Variants in FDPS observed in about 807,000 individuals in gnomAD.
The protein encoded by FDPS is farnesyl diphosphate synthase.
In FDPS, 29 loss-of-function variants were observed where a neutral mutation model predicts 49.5. The ratio of observed to expected loss-of-function variants is 0.59; its 90% CI spans 0.44 to 0.80. FDPS has a LOEUF of 0.80. FDPS is among the 30% of genes least tolerant of loss of function. The pLI, the probability that FDPS is intolerant of heterozygous loss-of-function variation, is 0.00. For missense variants in FDPS, 414 were observed against 525.6 expected, an observed-to-expected ratio of 0.79 and a Z score of 2.08; for synonymous variants, 172 against 206.4, an observed-to-expected ratio of 0.83 and a Z score of 1.43.
At chr1:155,316,302 A>C (rs1041391997) in intron 4 of FDPS, among the ~76,000 whole-genome samples, 14 of 152,222 alleles carry the variant, frequency 9.2e-5, no homozygotes, top group Non-Finnish European at 1.8e-4. Context: ...AAACAAAAAA[A>C]GGAAATAAGT....
chr1:155,312,104 A>G, intron 3 of FDPS, 151 bp from the exon 4 acceptor site: 1 of 838,548 alleles, frequency 1.2e-6, no homozygotes, highest in Non-Finnish European at 1.9e-6. Context: ...AGGAGTAAAG[A>G]CAGTAGCAAT....
chr1:155,318,980 A>G lies in FDPS; in HGVS notation c.846+52A>G. ...GCTCTGCTGATGGGGGCTTTTGGAC[A>G]GCAAGGCATAGAGCAGAAAACGTGA... On this transcript the variant is annotated intron_variant, in intron 8 of 10. Transcript: ENST00000368356. The surrounding 1 kb of genome is among the most constrained non-coding windows in gnomAD (Gnocchi z 4.2). 7.4e-7 allele frequency: 1 copy of G among 1,349,256 alleles called. No homozygotes were observed. Among genetic ancestry groups the G allele is most frequent in the South Asian group, 1.2e-5 (1 of 85,664 alleles). 83.6% of individuals were successfully genotyped at this position (1,349,256 alleles called of 1,614,324 possible). A position where few individuals can be genotyped will look rare whatever the true frequency, so the allele number is the denominator to read the frequency against.
rs1369934044 is a variant in FDPS, at chr1:155,318,809, G to C, written c.774-47G>C. ...TGTCTGGACAGCGAGGGAGGGCTCAGGATGTGCATTGCCCTCCTGAGGAGT... is the reference window on the plus strand; with the variant it reads ...TGTCTGGACAGCGAGGGAGGGCTCACGATGTGCATTGCCCTCCTGAGGAGT... On this transcript the variant is annotated intron_variant, in intron 7 of 10. Coordinates refer to ENST00000368356, the MANE Select transcript of FDPS (RefSeq NM_002004.4). The surrounding 1 kb of genome is among the most constrained non-coding windows in gnomAD (Gnocchi z 4.2). The C allele has an allele frequency of 2.5e-6, 4 of 1,590,486 alleles. No homozygotes were observed. The African/African-American group carries it at 4.0e-5, about 16-fold the overall frequency.
In FDPS at chr1:155,318,752, AGGTGAG is replaced by A; in HGVS notation, c.773+2_773+7del. The A allele has an allele frequency of 6.2e-7, 1 of 1,607,348 alleles. No individual in the cohort carries two copies. The highest frequency in any genetic ancestry group is 8.5e-7 in the Non-Finnish European group (1 of 1,174,076). Reference sequence around the variant, plus strand: ...GGATCTTGTCAGATTCACTGAAAAGAGGTGAGGGGAGGTGAGGGACAGCGCGAACCA... The same window carrying A: ...GGATCTTGTCAGATTCACTGAAAAGAGGGAGGTGAGGGACAGCGCGAACCA... On this transcript the variant is annotated splice_donor_variant and splice_donor_5th_base_variant and coding_sequence_variant and intron_variant, in exon 7 of 11. Coordinates refer to ENST00000368356, the MANE Select transcript of FDPS (RefSeq NM_002004.4). LOFTEE classifies it high-confidence loss of function. The surrounding 1 kb of genome is among the most constrained non-coding windows in gnomAD (Gnocchi z 4.2).
Position 155,319,618 on chromosome 1 carries a change from T to A in FDPS, c.854T>A (p.Ile285Asn). 1 of 1,614,122 alleles carries A rather than the reference T, an allele frequency of 6.2e-7. No homozygotes were observed. The highest frequency in any genetic ancestry group is 8.5e-7 in the Non-Finnish European group (1 of 1,180,044). ...ACCCCCCTTTCCCTGCAGGCAGGAATTGATGGCGAGAAGGAGCACGCCAAT... is the reference window on the plus strand; with the variant it reads ...ACCCCCCTTTCCCTGCAGGCAGGAAATGATGGCGAGAAGGAGCACGCCAAT... ...PIAAAMYMAG[I>N]DGEKEHANAK... Residue 285 changes from isoleucine to asparagine, a missense_variant, in exon 9 of 11, where the codon ATT becomes AAT. Physicochemically the swap from Ile to Asn is moderately radical, Grantham distance 149. Transcript: ENST00000368356.
chr1:155,312,167 T>G, intron 3 of FDPS, 88 bp from the exon 4 acceptor site: 1 of 1,467,454 alleles, frequency 6.8e-7, no homozygotes, highest in Non-Finnish European at 9.5e-7. Context: ...AGTTAGGTGG[T>G]GGTTGGAAAT....
At position 155,312,355 on chromosome 1, in the gene FDPS, G is replaced by A; in HGVS notation, c.440G>A (p.Ser147Asn). The change falls in exon 4 of 11, where the codon AGT (serine) becomes AAT (asparagine). Residue 147 changes from serine (S) to asparagine (N), a missense_variant. By Grantham distance (46) the Ser-to-Asn change is conservative. Transcript: ENST00000368356. Reference sequence around the variant, plus strand: ...GAGCCAAGGAAACAGGATGCTGATAGTCTCCAGCGGGCCTGGACTGTGGGC... The same window carrying A: ...GAGCCAAGGAAACAGGATGCTGATAATCTCCAGCGGGCCTGGACTGTGGGC... ...LVEPRKQDAD[S>N]LQRAWTVGWC... 1 of 1,614,102 alleles carries A rather than the reference G, an allele frequency of 6.2e-7. No individual in the cohort carries two copies. Among genetic ancestry groups the A allele is most frequent in the Non-Finnish European group, 8.5e-7 (1 of 1,179,994 alleles).
Position 155,310,097 on chromosome 1 carries a change from C to T in FDPS, c.231C>T (p.Ala77=). Residue 77 remains alanine, a synonymous_variant, in exon 3 of 11, where the codon GCC becomes GCT. Transcript: ENST00000368356. The part of the protein sequence containing the change: ...MNGDQNSDVY[A]QEKQDFVQHF... ...GAGACCAGAATTCAGATGTTTATGC[C>T]CAAGAAAAGCAGGATTTCGTTCAGC... is the stretch of plus-strand genomic sequence containing the variant. The T allele has an allele frequency of 6.2e-7, 1 of 1,613,970 alleles. No homozygotes were observed. Among genetic ancestry groups the T allele is most frequent in the Non-Finnish European group, 8.5e-7 (1 of 1,179,948 alleles).
chr1:155,319,065 C>T (rs1649880417), intron 8 of FDPS, 137 bp downstream of exon 8: 1 of 672,642 alleles, frequency 1.5e-6, no homozygotes, highest in Admixed American at 2.6e-5. Flanking sequence ...CGCTCAGTCT[C>T]TTTCCTCAGC....
chr1:155,310,143 G>A lies in FDPS; in HGVS notation c.277G>A (p.Val93Met). 1.2e-6 allele frequency: 2 copies of A among 1,613,954 alleles called. No individual in the cohort carries two copies. Among genetic ancestry groups the A allele is most frequent in the South Asian group, 1.1e-5 (1 of 91,076 alleles). Residue 93 changes from valine to methionine, a missense_variant, in exon 3 of 11, where the codon GTG becomes ATG. Coordinates refer to ENST00000368356, the MANE Select transcript of FDPS (RefSeq NM_002004.4). ...FVQHFSQIVRVLTEDEMGHPE... is the reference protein window; with the variant it reads ...FVQHFSQIVRMLTEDEMGHPE... Reference sequence around the variant, plus strand: ...TCAGCACTTCTCCCAGATCGTTAGGGTGCTGACTGAGGATGAGATGGGGCA... The same window carrying A: ...TCAGCACTTCTCCCAGATCGTTAGGATGCTGACTGAGGATGAGATGGGGCA...
chr1:155,318,200 C>G lies in FDPS; in HGVS notation c.593C>G (p.Ala198Gly). The change falls in exon 6 of 11, where the codon GCT becomes GGT. Residue 198 changes from alanine to glycine, a missense_variant. Transcript: ENST00000368356. This position sits in a 1 kb window ranked among gnomAD's most constrained non-coding sequence, Gnocchi z 4.2. Reference protein sequence around the residue: ...PGVGLDAINDANLLEACIYRL... With the variant: ...PGVGLDAINDGNLLEACIYRL... ...GTGGGTTTGGATGCCATCAATGATGCTAACCTCCTGGAAGCATGTATCTAC... is the reference window on the plus strand; with the variant it reads ...GTGGGTTTGGATGCCATCAATGATGGTAACCTCCTGGAAGCATGTATCTAC... 1 of 1,614,086 alleles carries G rather than the reference C, an allele frequency of 6.2e-7. No individual in the cohort carries two copies.
At chr1:155,313,298 G>T (rs905585397) in intron 4 of FDPS, among the ~76,000 whole-genome samples, 2 of 152,178 alleles carry the variant, frequency 1.3e-5, no homozygotes, top group South Asian at 2.1e-4. Context: ...ATACCAGTTC[G>T]TCTTGGTCTT....
In FDPS at chr1:155,318,237, G is replaced by A. The variant is rs1366476371; in HGVS notation, c.630G>A (p.Lys210=). The A allele has an allele frequency of 6.2e-7, 1 of 1,613,870 alleles. No homozygotes were observed. Among genetic ancestry groups the A allele is most frequent in the Non-Finnish European group, 8.5e-7 (1 of 1,180,042 alleles). ...LLEACIYRLL[K]LYCREQPYYL... ...AAGCATGTATCTACCGCCTGCTGAA[G>A]CTCTATTGCCGGGAGCAGCCCTATT... The change falls in exon 6 of 11, where the codon AAG becomes AAA. Residue 210 remains lysine (K), a synonymous_variant. Transcript: ENST00000368356. This position sits in a 1 kb window ranked among gnomAD's most constrained non-coding sequence, Gnocchi z 4.2.
In FDPS at chr1:155,319,697, G is replaced by A; in HGVS notation, c.924+9G>A. ...AGTTCTTTCAGATTCAGGTAAGAAG[G>A]CAGGAGGCAGTAGCAGAGAACAGGC... On this transcript the variant is annotated intron_variant, in intron 9 of 10. Transcript: ENST00000368356. 6.2e-7 allele frequency: 1 copy of A among 1,614,186 alleles called. No individual in the cohort carries two copies. The highest frequency in any genetic ancestry group is 2.2e-5 in the East Asian group (1 of 44,884).
Position 155,309,882 on chromosome 1 carries a change from G to A in FDPS, c.93G>A (p.Arg31=). 1 of 1,592,242 alleles carries A rather than the reference G, an allele frequency of 6.3e-7. No homozygotes were observed. The highest frequency in any genetic ancestry group is 8.6e-7 in the Non-Finnish European group (1 of 1,168,388). ...APRERWLGSL[R]RPSLVHGYPV... is the part of the protein sequence containing the mutation. Reference sequence around the variant, plus strand: ...GGGAGAGGTGGCTGGGTTCCCTACGGCGGCCCTCCCTGGTGCACGGGTACC... The same window carrying A: ...GGGAGAGGTGGCTGGGTTCCCTACGACGGCCCTCCCTGGTGCACGGGTACC... The change falls in exon 2 of 11, where the codon CGG becomes CGA. Residue 31 remains arginine (R), a synonymous_variant. Transcript: ENST00000368356.
chr1:155,314,780 T>G (rs74858175), intron 4 of FDPS, among the ~76,000 whole-genome samples: 48 of 141,182 alleles, frequency 3.4e-4, no homozygotes, highest in Non-Finnish European at 7.0e-4. Context: ...CTGGCCTGGG[T>G]TTTTTTTTTT....
chr1:155,320,657 T>A lies in FDPS; in HGVS notation c.*48T>A. The A allele has an allele frequency of 6.2e-7, 1 of 1,602,400 alleles. No homozygotes were observed. Among genetic ancestry groups the A allele is most frequent in the Non-Finnish European group, 8.5e-7 (1 of 1,169,952 alleles). On this transcript the variant is annotated 3_prime_UTR_variant, in exon 11 of 11. Coordinates refer to ENST00000368356, the MANE Select transcript of FDPS (RefSeq NM_002004.4). Reference sequence around the variant, plus strand: ...AGAGGAGGCTCTCAATAAATAATCGTGTAACCTTCTTGTGGTTCTGTTCTT... The same window carrying A: ...AGAGGAGGCTCTCAATAAATAATCGAGTAACCTTCTTGTGGTTCTGTTCTT...
Position 155,320,399 on chromosome 1 carries a change from C to A in FDPS, c.1060-10C>A, listed in dbSNP as rs1219806613. On this transcript the variant is annotated splice_polypyrimidine_tract_variant and intron_variant, in intron 10 of 10. Coordinates refer to ENST00000368356, the MANE Select transcript of FDPS (RefSeq NM_002004.4). ...CCAAGCCCGTTTTCCTGTCTTTCAA[C>A]CTCTTCCAGGAAAATTACGGGCAGA... 1 of 1,610,682 alleles carries A rather than the reference C, an allele frequency of 6.2e-7. No individual in the cohort carries two copies. The highest frequency in any genetic ancestry group is 1.7e-5 in the Admixed American group (1 of 59,544).
rs767473731 is a variant in FDPS, at chr1:155,320,611, C to T, written c.*2C>T. ...AAAATCTACAAGCGGAGAAAGTGAC[C>T]TAGAGATTGCAAGGGCGGGGAGAGG... On this transcript the variant is annotated 3_prime_UTR_variant, in exon 11 of 11. Coordinates refer to ENST00000368356, the MANE Select transcript of FDPS (RefSeq NM_002004.4). 2.5e-6 allele frequency: 4 copies of T among 1,613,952 alleles called. No homozygotes were observed. In the South Asian group the frequency reaches 4.4e-5, roughly 18 times the overall value.
Sources: gnomAD v4.1 joint callset for allele counts (sites outside exome capture counted in the v4.1 genomes callset) on GRCh38, gnomAD v4.1.1 for gene constraint, Gnocchi (gnomAD v3.1) non-coding constraint, MANE v1.5 for transcripts, NCBI Gene and HGNC (gene_info 2026-07-23, HGNC 2026-07-21) for gene names.